Variants in NCAM2 observed in about 807,000 individuals in gnomAD.
The protein encoded by NCAM2 is N-CAM-2.
Under a neutral mutation model 98.1 loss-of-function variants are expected in NCAM2, and 30 were observed. The ratio of observed to expected loss-of-function variants is 0.31; its 90% confidence interval spans 0.23 to 0.41. The LOEUF (loss-of-function observed/expected upper bound fraction) is 0.41. NCAM2 is among the 10% of genes least tolerant of loss of function. The pLI is 1.00. For synonymous variants in NCAM2, 368 were observed against 342.4 expected (o/e 1.07, Z -0.83); for missense variants, 867 against 1,005.8 (o/e 0.86, Z 1.87).
At chr21:21,238,890 A>G (rs1687973724) in intron 1 of NCAM2, among the ~76,000 whole-genome samples, 1 of 152,202 alleles carries the variant, frequency 6.6e-6, no homozygotes, top group Non-Finnish European at 1.5e-5. Context: ...CTTCAATCAC[A>G]TGGCGTAATC....
chr21:21,003,060 T>C (rs187575224), intron 1 of NCAM2, among the ~76,000 whole-genome samples: 19 of 152,282 alleles, frequency 1.2e-4, no homozygotes, highest in Non-Finnish European at 1.6e-4. Flanking sequence ...TGGTGCTCTT[T>C]TAAATATTTT....
chr21:21,535,242 C>T (rs1027531136), intron 17 of NCAM2, among the ~76,000 whole-genome samples: 6 of 152,042 alleles, frequency 3.9e-5, no homozygotes, highest in Admixed American at 1.3e-4. Flanking sequence ...GATGAATATA[C>T]GCCTAGATTC....
At chr21:21,143,391 G>T (rs1601485376) in intron 1 of NCAM2, among the ~76,000 whole-genome samples, 1 of 152,028 alleles carries the variant, frequency 6.6e-6, no homozygotes, top group East Asian at 1.9e-4. Context: ...ATTTGTTTTA[G>T]CTTGACTGTT....
chr21:21,452,745 TATATA>T (rs1361226846), intron 12 of NCAM2, among the ~76,000 whole-genome samples: 8 of 108,108 alleles, frequency 7.4e-5, no homozygotes, highest in African/African-American at 2.3e-4. Context: ...ATATATATAA[TATATA>T]ATATATTACT....
At chr21:21,382,534 G>A (rs1475210851) in intron 9 of NCAM2, among the ~76,000 whole-genome samples, 1 of 116,002 alleles carries the variant, frequency 8.6e-6, no homozygotes, top group Non-Finnish European at 1.8e-5. Context: ...TTTTTTTTTT[G>A]AGATGGAGTC....
intron 5 of NCAM2, among the ~76,000 whole-genome samples, chr21:21,317,177 A>G (rs1419438315): frequency 6.6e-6 from 1 of 151,836 alleles, no homozygotes; most frequent in African/African-American, 2.4e-5. Context: ...CAGATTCTTC[A>G]CTCTTCCAGG....
At chr21:21,224,513 A>T (rs901489769) in intron 1 of NCAM2, among the ~76,000 whole-genome samples, 25 of 152,190 alleles carry the variant, frequency 1.6e-4, no homozygotes, top group African/African-American at 5.5e-4. Flanking sequence ...GCAAAAGCAC[A>T]TATAAATATA....
chr21:21,166,430 A>G (rs1319682855), intron 1 of NCAM2, among the ~76,000 whole-genome samples: 1 of 151,536 alleles, frequency 6.6e-6, no homozygotes, highest in Non-Finnish European at 1.5e-5. Context: ...CTGGTCTCGA[A>G]CCCCTGACCT....
intron 1 of NCAM2, among the ~76,000 whole-genome samples, chr21:21,258,790 G>A (rs1026423296): frequency 6.6e-6 from 1 of 151,980 alleles, no homozygotes; most frequent in Non-Finnish European, 1.5e-5. Flanking sequence ...ATACCCACAT[G>A]ACTCTCTCTG....
intron 2 of NCAM2, among the ~76,000 whole-genome samples, chr21:21,282,788 G>A (rs2072974920): frequency 2.0e-5 from 3 of 151,508 alleles, no homozygotes; most frequent in Admixed American, 6.6e-5. Flanking sequence ...AAATAGTCCA[G>A]CCTTATCAAA....
chr21:21,361,059 A>C (rs232492), intron 8 of NCAM2, among the ~76,000 whole-genome samples: 54,391 of 151,828 alleles, frequency 0.36, 9,948 homozygotes, highest in East Asian at 0.58. Context: ...TACACCTGCA[A>C]ACATACCCAG....
chr21:21,269,854 G>A (rs982320559), intron 1 of NCAM2, among the ~76,000 whole-genome samples: 1 of 152,106 alleles, frequency 6.6e-6, no homozygotes, highest in Non-Finnish European at 1.5e-5. Context: ...GTTAAGCAAT[G>A]TAAGTGTTGA....
intron 12 of NCAM2, among the ~76,000 whole-genome samples, chr21:21,437,823 T>C (rs1429444398): frequency 6.6e-6 from 1 of 152,140 alleles, no homozygotes; most frequent in Non-Finnish European, 1.5e-5. Flanking sequence ...ATGATATGCA[T>C]AATTTCTAGG....
chr21:21,373,803 G>A (rs868687391), intron 8 of NCAM2, 60 bp from the exon 9 acceptor site: 17 of 1,377,428 alleles, frequency 1.2e-5, no homozygotes, highest in Middle Eastern at 3.8e-4. Context: ...TTATATGTTT[G>A]GTCACCATTT....
intron 1 of NCAM2, among the ~76,000 whole-genome samples, chr21:21,249,834 T>A (rs2071411200): frequency 6.6e-6 from 1 of 152,212 alleles, no homozygotes; most frequent in African/African-American, 2.4e-5. Context: ...TTAAATTATT[T>A]GAATCTATGA....
intron 1 of NCAM2, among the ~76,000 whole-genome samples, chr21:21,178,539 A>G (rs1295270875): frequency 6.6e-6 from 1 of 152,122 alleles, no homozygotes; most frequent in Non-Finnish European, 1.5e-5. Flanking sequence ...GGAATTTAAT[A>G]CAAGAATATA....
At chr21:21,528,747 A>G (rs1189744054) in intron 16 of NCAM2, among the ~76,000 whole-genome samples, 1 of 152,186 alleles carries the variant, frequency 6.6e-6, no homozygotes, top group African/African-American at 2.4e-5. Context: ...AATATTTATC[A>G]TTACTCCATG....
intron 1 of NCAM2, among the ~76,000 whole-genome samples, chr21:21,184,976 G>A (rs2068592879): frequency 6.6e-6 from 1 of 152,128 alleles, no homozygotes; most frequent in Non-Finnish European, 1.5e-5. Context: ...GGTGATAGGG[G>A]AGTCAGCACT....
intron 1 of NCAM2, among the ~76,000 whole-genome samples, chr21:21,261,060 G>A (rs1329863118): frequency 6.6e-6 from 1 of 151,652 alleles, no homozygotes; most frequent in Non-Finnish European, 1.5e-5. Context: ...TACTCTTTTT[G>A]TATCATATGT....
Sources: gnomAD v4.1 joint callset for allele counts (sites outside exome capture counted in the v4.1 genomes callset) on GRCh38, gnomAD v4.1.1 for gene constraint, MANE v1.5 for transcripts, NCBI Gene and HGNC (gene_info 2026-07-23, HGNC 2026-07-21) for gene names.